ADAMTSL3: variants seen among roughly 807,000 people sequenced by gnomAD.
ADAMTSL3 encodes ADAMTS like 3.
Under a neutral mutation model 201.7 loss-of-function variants are expected in ADAMTSL3, and 128 were observed. The observed-to-expected ratio is 0.63, with a 90% CI of 0.55 to 0.73. The LOEUF (loss-of-function observed/expected upper bound fraction) is 0.73. Ranked by LOEUF, ADAMTSL3 falls within the 30% of genes least tolerant of loss-of-function variation. The probability of loss-of-function intolerance (pLI) is 0.00; values close to 1 mark genes in which losing one functional copy is unlikely to be tolerated. For missense variants in ADAMTSL3, 1,990 were observed against 2,119.6 expected, an observed-to-expected ratio of 0.94 and a Z score of 1.20; for synonymous variants, 738 against 748.4, an observed-to-expected ratio of 0.99 and a Z score of 0.23.
In ADAMTSL3 at chr15:84,039,287, C is replaced by T. The variant is rs1176809501; in HGVS notation, c.*1481C>T. On this transcript the variant is annotated 3_prime_UTR_variant, in exon 30 of 30. Coordinates refer to ENST00000286744, the MANE Select transcript of ADAMTSL3 (RefSeq NM_207517.3). ...CCTGGTCAGTAATAACTGAACAGTG[C>T]ATTTTGGCTTTGGATGTGTCTGTGG... 1 of 152,628 alleles carries T rather than the reference C, an allele frequency of 6.6e-6. No individual in the cohort carries two copies. The highest frequency in any genetic ancestry group is 1.5e-5 in the Non-Finnish European group (1 of 68,056). 9.5% of individuals were successfully genotyped at this position (152,628 alleles called of 1,614,324 possible).
At chr15:83,781,052 A>T (rs2063159876) in intron 4 of ADAMTSL3, among the ~76,000 whole-genome samples, 1 of 152,230 alleles carries the variant, frequency 6.6e-6, no homozygotes, top group Admixed American at 6.5e-5. Context: ...TTATAGATTC[A>T]ATGCTATTTC....
At chr15:83,929,515 C>T (rs1276164869) in intron 17 of ADAMTSL3, among the ~76,000 whole-genome samples, 1 of 152,146 alleles carries the variant, frequency 6.6e-6, no homozygotes, top group African/African-American at 2.4e-5. Flanking sequence ...ATGACCTCCT[C>T]TTGATCATCT....
intron 17 of ADAMTSL3, among the ~76,000 whole-genome samples, chr15:83,928,518 T>TTCATGAGAATG (rs1332606556): frequency 6.6e-6 from 1 of 152,142 alleles, no homozygotes; most frequent in Non-Finnish European, 1.5e-5. Context: ...GAAAGGCACT[T>TTCATGAGAATG]CAAATGAGAA....
chr15:84,022,668 T>G (rs981209810), intron 26 of ADAMTSL3, among the ~76,000 whole-genome samples: 1 of 152,228 alleles, frequency 6.6e-6, no homozygotes, highest in South Asian at 2.1e-4. Flanking sequence ...TTTGAAACAG[T>G]GCCTAGCAAT....
chr15:83,767,884 T>C (rs1275356617), intron 3 of ADAMTSL3, among the ~76,000 whole-genome samples: 1 of 152,232 alleles, frequency 6.6e-6, no homozygotes, highest in Non-Finnish European at 1.5e-5. Context: ...AGCAGAAATA[T>C]GCATTAATGG....
intron 2 of ADAMTSL3, among the ~76,000 whole-genome samples, chr15:83,702,174 AG>A: frequency 6.6e-6 from 1 of 152,312 alleles, no homozygotes; most frequent in South Asian, 2.1e-4. Flanking sequence ...GAGAAGATTT[AG>A]GGTACCCGGT....
At chr15:83,763,193 G>A (rs2062836893) in intron 3 of ADAMTSL3, among the ~76,000 whole-genome samples, 1 of 152,142 alleles carries the variant, frequency 6.6e-6, no homozygotes, top group African/African-American at 2.4e-5. Context: ...ACCTGGACTT[G>A]ATTTACTTTC....
At chr15:83,831,657 T>C (rs1425079857) in intron 6 of ADAMTSL3, among the ~76,000 whole-genome samples, 1 of 152,112 alleles carries the variant, frequency 6.6e-6, no homozygotes, top group Non-Finnish European at 1.5e-5. Flanking sequence ...ACCTCTTGAG[T>C]AGCTGGGACT....
At chr15:83,993,765 T>C (rs956371393) in intron 23 of ADAMTSL3, among the ~76,000 whole-genome samples, 1 of 152,188 alleles carries the variant, frequency 6.6e-6, no homozygotes, top group Non-Finnish European at 1.5e-5. Context: ...AAAAAAAGTT[T>C]TTTTCTGTCC....
At chr15:84,008,441 C>T (rs745617392) in intron 23 of ADAMTSL3, among the ~76,000 whole-genome samples, 84 of 152,168 alleles carry the variant, frequency 5.5e-4, no homozygotes, top group Non-Finnish European at 2.5e-4. Flanking sequence ...TTTGACTACA[C>T]TAGCATTGGA....
At chr15:83,671,355 C>T (rs902027729) in intron 2 of ADAMTSL3, among the ~76,000 whole-genome samples, 2 of 152,050 alleles carry the variant, frequency 1.3e-5, no homozygotes, top group Admixed American at 6.6e-5. Flanking sequence ...TTGGTGTGTT[C>T]GGGATTTCTC....
At chr15:83,848,222 G>A (rs983291014) in intron 7 of ADAMTSL3, among the ~76,000 whole-genome samples, 2 of 152,088 alleles carry the variant, frequency 1.3e-5, no homozygotes, top group African/African-American at 4.8e-5. Flanking sequence ...TGGGGATGAG[G>A]TTGTCAAAGT....
intron 7 of ADAMTSL3, among the ~76,000 whole-genome samples, chr15:83,843,890 A>G (rs1231809869): frequency 1.3e-5 from 2 of 152,214 alleles, no homozygotes; most frequent in Non-Finnish European, 2.9e-5. Context: ...TCCTGTTCAG[A>G]GGGAGGAGGA....
chr15:83,665,951 C>T (rs1288569340), intron 2 of ADAMTSL3, among the ~76,000 whole-genome samples: 1 of 152,062 alleles, frequency 6.6e-6, no homozygotes, highest in Non-Finnish European at 1.5e-5. Context: ...TCTCTTTACT[C>T]TCTTTTGAAA....
chr15:83,779,793 A>G (rs1375447235), intron 4 of ADAMTSL3, among the ~76,000 whole-genome samples: 2 of 152,224 alleles, frequency 1.3e-5, no homozygotes, highest in East Asian at 1.9e-4. Flanking sequence ...AAACCATACA[A>G]TCACATGGAA....
chr15:83,677,834 C>A (rs2061427231), intron 2 of ADAMTSL3, among the ~76,000 whole-genome samples: 1 of 151,736 alleles, frequency 6.6e-6, no homozygotes, highest in African/African-American at 2.4e-5. Context: ...TGTCTTTAGT[C>A]TCACTTTTTT....
Position 84,031,377 on chromosome 15 carries a change from C to A in ADAMTSL3, c.4699C>A (p.Arg1567Ser). The change falls in exon 28 of 30, where the codon CGT (arginine) becomes AGT (serine). Residue 1567 changes from arginine (R) to serine (S), a missense_variant. Physicochemically the swap from Arg to Ser is moderately radical, Grantham distance 110. Transcript: ENST00000286744. ...GGGCCGTGCTGTGAGGATGCAGCAG[C>A]GTCACACAGCTTGTCAACACAACAG... The part of the protein sequence containing the change: ...CMGRAVRMQQ[R>S]HTACQHNSSD... 1 of 1,614,016 alleles carries A rather than the reference C, an allele frequency of 6.2e-7. No individual in the cohort carries two copies. The highest frequency in any genetic ancestry group is 8.5e-7 in the Non-Finnish European group (1 of 1,180,016).
At chr15:83,678,214 C>A (rs1567066473) in intron 2 of ADAMTSL3, among the ~76,000 whole-genome samples, 1 of 151,990 alleles carries the variant, frequency 6.6e-6, no homozygotes, top group African/African-American at 2.4e-5. Context: ...TTATCTTCAC[C>A]CCTATTTTTG....
intron 3 of ADAMTSL3, 35 bp downstream of exon 3, chr15:83,704,543 T>C (rs556564432): frequency 1.9e-6 from 3 of 1,600,566 alleles, no homozygotes; most frequent in South Asian, 2.2e-5. Context: ...CCTTTGGCTT[T>C]GCTGTTTGCC....
Sources: allele counts gnomAD v4.1 joint callset (sites outside exome capture counted in the v4.1 genomes callset), GRCh38; gene constraint gnomAD v4.1.1; transcripts MANE v1.5; gene names NCBI Gene and HGNC (gene_info 2026-07-23, HGNC 2026-07-21).